The following WWC1 variants were observed in gnomAD, a reference collection of about 807,000 sequenced individuals.
The protein encoded by WWC1 is WW and C2 domain containing 1, also known as protein KIBRA.
In WWC1, 55 loss-of-function variants were observed where a neutral mutation model predicts 138.4. That is an observed-to-expected ratio of 0.40 (90% CI 0.32 to 0.50). The LOEUF (loss-of-function observed/expected upper bound fraction) is 0.50, where lower values mean the gene tolerates loss of function less well. WWC1 is among the 20% of genes least tolerant of loss of function. The pLI is 0.72. For missense variants in WWC1, 1,226 were observed against 1,420.4 expected (o/e 0.86, Z 2.20); for synonymous variants, 524 against 564.9 (o/e 0.93, Z 1.03).
chr5:168,376,250 C>T (rs1279865856), intron 2 of WWC1, among the ~76,000 whole-genome samples: 2 of 151,728 alleles, frequency 1.3e-5, no homozygotes. Context: ...GATGGGGTTT[C>T]ACCATGTTGG....
intron 1 of WWC1, among the ~76,000 whole-genome samples, chr5:168,350,004 C>T (rs1774812382): frequency 6.6e-6 from 1 of 152,210 alleles, no homozygotes; most frequent in Admixed American, 6.5e-5. Context: ...TGCTTCACCT[C>T]CCAGCTCCAG....
At chr5:168,426,480 T>A (rs1449187930) in intron 11 of WWC1, among the ~76,000 whole-genome samples, 1 of 152,184 alleles carries the variant, frequency 6.6e-6, no homozygotes, top group Non-Finnish European at 1.5e-5. Context: ...CGGGATGGCA[T>A]TTCCTTCATG....
rs60746695 is a variant in WWC1 at position 168,446,232 on chromosome 5, TAAAAAAAA to T, written c.2525+1669_2525+1676del. 3.2e-4 allele frequency among the ~76,000 whole-genome samples: 19 copies of T among 58,768 alleles called. 1 individual carries two copies. Among genetic ancestry groups the T allele is most frequent in the African/African-American group, 1.2e-3 (16 of 13,432 alleles). The allele number at this position is 58,768 out of a possible 152,430, so 38.6% of individuals were successfully genotyped here. A position where few individuals can be genotyped will look rare whatever the true frequency, so the allele number is the denominator to read the frequency against. ...AAGCCTGAGCCTTCTCTCCCATTAT[TAAAAAAAA>T]AAAAAAAAAAAAAAAAAAAAAGGTT... On this transcript the variant is annotated intron_variant, in intron 17 of 22. Coordinates refer to ENST00000265293, the MANE Select transcript of WWC1 (RefSeq NM_015238.3).
At chr5:168,459,872 A>T (rs1582382092) in intron 19 of WWC1, among the ~76,000 whole-genome samples, 1 of 151,668 alleles carries the variant, frequency 6.6e-6, no homozygotes, top group South Asian at 2.1e-4. Context: ...AGAAATCCCC[A>T]CTCTGCTCCC....
chr5:168,320,649 A>T (rs1771990789), intron 1 of WWC1, among the ~76,000 whole-genome samples: 1 of 152,174 alleles, frequency 6.6e-6, no homozygotes, highest in Admixed American at 6.5e-5. Flanking sequence ...GTCAGTGAAC[A>T]GAGCAGAATC....
chr5:168,337,335 C>T (rs748102753), intron 1 of WWC1, among the ~76,000 whole-genome samples: 3 of 39,638 alleles, frequency 7.6e-5, no homozygotes, highest in Non-Finnish European at 1.4e-4. Context: ...TTCAAAAGCT[C>T]CATCGGTGTA....
In WWC1 at chr5:168,323,303, T is replaced by C. The variant is rs1772270747; in HGVS notation, c.119+31032T>C. ...GCTCACACCTGTAACCCCAACACTT[T>C]GGAAGACTGAGGTTGGAGGATCCCT... On this transcript the variant is annotated intron_variant, in intron 1 of 22. Coordinates refer to ENST00000265293, the MANE Select transcript of WWC1 (RefSeq NM_015238.3). 2.0e-5 allele frequency among the ~76,000 whole-genome samples: 3 copies of C among 152,180 alleles called. No homozygotes were observed. In the South Asian group the frequency reaches 6.2e-4, roughly 32 times the overall value.
At chr5:168,319,032 C>T (rs116718663) in intron 1 of WWC1, among the ~76,000 whole-genome samples, 101 of 152,302 alleles carry the variant, frequency 6.6e-4, no homozygotes, top group African/African-American at 2.3e-3. Flanking sequence ...CACATATACA[C>T]GACGTCTTGT....
chr5:168,430,342 G>T, intron 14 of WWC1, 119 bp downstream of exon 14: 1 of 738,610 alleles, frequency 1.4e-6, no homozygotes. Flanking sequence ...CTGTGGGTTT[G>T]TACTGCATAT....
chr5:168,429,143 A>C (rs2152858486), intron 13 of WWC1, among the ~76,000 whole-genome samples: 1 of 151,752 alleles, frequency 6.6e-6, no homozygotes, highest in East Asian at 1.9e-4. Flanking sequence ...CATCCCATCT[A>C]GGTTTCATTG....
rs200955973 is a variant in WWC1 at position 168,464,715 on chromosome 5, C to T, written c.2917-14C>T. The T allele has an allele frequency of 6.2e-7, 1 of 1,614,068 alleles. No individual in the cohort carries two copies. Among genetic ancestry groups the T allele is most frequent in the Admixed American group, 1.7e-5 (1 of 60,020 alleles). On this transcript the variant is annotated splice_polypyrimidine_tract_variant and intron_variant, in intron 20 of 22. Coordinates refer to ENST00000265293, the MANE Select transcript of WWC1 (RefSeq NM_015238.3). The stretch of plus-strand genomic sequence containing the variant: ...GAGCTCTAATAACAAGAGAAGCCGT[C>T]CCCACCCCCACAGCCTTCCTCGGTC...
At chr5:168,462,035 A>T (rs771036128) in intron 20 of WWC1, among the ~76,000 whole-genome samples, 1 of 151,572 alleles carries the variant, frequency 6.6e-6, no homozygotes, top group African/African-American at 2.4e-5. Context: ...CAGCTGGGCA[A>T]CAAGAGTGAA....
intron 1 of WWC1, among the ~76,000 whole-genome samples, chr5:168,295,891 G>T (rs1486354409): frequency 1.1e-4 from 17 of 152,174 alleles, no homozygotes; most frequent in Admixed American, 1.1e-3. Context: ...ACCGGAGAGG[G>T]TCCAGTGGGC....
At chr5:168,426,469 T>C (rs952061580) in intron 11 of WWC1, among the ~76,000 whole-genome samples, 1 of 152,204 alleles carries the variant, frequency 6.6e-6, no homozygotes, top group Non-Finnish European at 1.5e-5. Flanking sequence ...CACACAGGTC[T>C]CGGGATGGCA....
chr5:168,371,473 C>T lies in WWC1; in HGVS notation c.169C>T (p.Leu57=), dbSNP rs1480195468. Residue 57 remains leucine (L), a synonymous_variant, in exon 2 of 23, where the codon CTA becomes TTA. Coordinates refer to ENST00000265293, the MANE Select transcript of WWC1 (RefSeq NM_015238.3). ...TGACTGCATTAGTGATGAGTTGCCG[C>T]TAGGATGGGAAGAGGCATATGACCC... ...FADCISDELP[L]GWEEAYDPQV... 2 of 1,614,098 alleles carry T rather than the reference C, an allele frequency of 1.2e-6. No individual in the cohort carries two copies. The highest frequency in any genetic ancestry group is 2.2e-5 in the South Asian group (2 of 91,072).
intron 8 of WWC1, among the ~76,000 whole-genome samples, chr5:168,413,584 A>G (rs1780378648): frequency 6.6e-6 from 1 of 152,200 alleles, no homozygotes; most frequent in African/African-American, 2.4e-5. Flanking sequence ...TGACTGTGCT[A>G]GAAGCTTGTG....
At chr5:168,414,312 A>T in intron 8 of WWC1, 36 bp from the exon 9 acceptor site, 1 of 1,607,992 alleles carries the variant, frequency 6.2e-7, no homozygotes, top group Non-Finnish European at 8.5e-7. Flanking sequence ...CAGTGCCATT[A>T]GGCACACCAG....
chr5:168,467,003 T>C (rs1167791801), intron 21 of WWC1, among the ~76,000 whole-genome samples: 5 of 152,126 alleles, frequency 3.3e-5, no homozygotes, highest in African/African-American at 1.2e-4. Flanking sequence ...GGCTCACGCC[T>C]GTAATCCCAG....
Position 168,382,285 on chromosome 5 carries a change from T to C in WWC1, c.230-2926T>C, listed in dbSNP as rs76826560. Among the ~76,000 whole-genome samples, 7 of 152,274 alleles carry C rather than the reference T, an allele frequency of 4.6e-5. 1 individual carries two copies. The South Asian group carries it at 1.2e-3, about 27-fold the overall frequency. ...TGTTGCATTAAAGTAACCTTGTATA[T>C]ATAGGCGTGTATGTGTAAACAAAAA... On this transcript the variant is annotated intron_variant, in intron 2 of 22. Transcript: ENST00000265293.
Sources: gnomAD v4.1 joint callset for allele counts (sites outside exome capture counted in the v4.1 genomes callset) on GRCh38, gnomAD v4.1.1 for gene constraint, MANE v1.5 for transcripts, NCBI Gene and HGNC (gene_info 2026-07-23, HGNC 2026-07-21) for gene names.